The following ADAMTS7 variants were observed in gnomAD, a reference collection of about 807,000 sequenced individuals.
ADAMTS7 encodes the protein ADAM metallopeptidase with thrombospondin type 1 motif 7, also known as A disintegrin and metalloproteinase with thrombospondin motifs 7.
A neutral mutation model predicts 172.6 loss-of-function variants in ADAMTS7; 89 were observed. The observed-to-expected ratio is 0.52, with a 90% CI of 0.43 to 0.61. ADAMTS7 has a LOEUF of 0.61. ADAMTS7 is among the 20% of genes least tolerant of loss of function. The probability of loss-of-function intolerance (pLI) is 0.00; values close to 1 mark genes in which losing one functional copy is unlikely to be tolerated. For synonymous variants in ADAMTS7, 885 were observed against 978.4 expected (o/e 0.90, Z 1.78); for missense variants, 1,973 against 2,355.6 (o/e 0.84, Z 3.36).
chr15:78,776,100 G>A, intron 11 of ADAMTS7, 88 bp downstream of exon 11: 2 of 1,458,212 alleles, frequency 1.4e-6, no homozygotes, highest in Non-Finnish European at 1.8e-6. Flanking sequence ...AGAGCCAGGG[G>A]CTGGGACAGA....
chr15:78,783,173 T>C (rs974326309), intron 8 of ADAMTS7, among the ~76,000 whole-genome samples: 1 of 152,180 alleles, frequency 6.6e-6, no homozygotes, highest in African/African-American at 2.4e-5. Context: ...AAACCAGTCC[T>C]TCAGCAGAGA....
In ADAMTS7 at chr15:78,791,118, G is replaced by A. The variant is rs373511961; in HGVS notation, c.903+22C>T. 1.6e-5 allele frequency: 25 copies of A among 1,608,656 alleles called. No homozygotes were observed. The East Asian group carries it at 1.6e-4, about 10-fold the overall frequency. On this transcript the variant is annotated intron_variant, in intron 5 of 23. Coordinates refer to ENST00000388820, the MANE Select transcript of ADAMTS7 (RefSeq NM_014272.5). ...GCAGCCGAAGCCATTGCCGGGCAGCGTGGGACCACATGACCACTCACCTCC... is the reference window on the plus strand; with the variant it reads ...GCAGCCGAAGCCATTGCCGGGCAGCATGGGACCACATGACCACTCACCTCC...
chr15:78,798,234 G>A (rs531684728), intron 2 of ADAMTS7, 121 bp from the exon 3 acceptor site: 32 of 935,706 alleles, frequency 3.4e-5, no homozygotes, highest in Middle Eastern at 3.4e-4. Context: ...GTGACTGCCC[G>A]CGGACACACT....
At position 78,804,832 on chromosome 15, in the gene ADAMTS7, T is replaced by TA. The variant is rs201420119; in HGVS notation, c.101-4286dup. ...TTCCAGACCTCACAGATGAATTTCT[T>TA]AAAAAAAAATTCCCAGGCCCCATCC... is the stretch of plus-strand genomic sequence containing the variant. On this transcript the variant is annotated intron_variant, in intron 1 of 23. Coordinates refer to ENST00000388820, the MANE Select transcript of ADAMTS7 (RefSeq NM_014272.5). Among the ~76,000 whole-genome samples, 366 of 151,742 alleles carry TA rather than the reference T, an allele frequency of 2.4e-3. 2 individuals are homozygous for TA. Among genetic ancestry groups the TA allele is most frequent in the Middle Eastern group, 0.017 (5 of 292 alleles).
chr15:78,759,714 C>G, intron 23 of ADAMTS7, 136 bp from the exon 24 acceptor site: 3 of 1,170,628 alleles, frequency 2.6e-6, no homozygotes, highest in Non-Finnish European at 3.4e-6. Flanking sequence ...GAGCGGCTCC[C>G]GAACCGGAGT....
At chr15:78,765,502 C>T in intron 19 of ADAMTS7, 143 bp downstream of exon 19, 1 of 1,383,826 alleles carries the variant, frequency 7.2e-7, no homozygotes, top group Non-Finnish European at 9.8e-7. Flanking sequence ...CCGGGGTCCC[C>T]TCATCCCCCT....
chr15:78,796,762 C>A lies in ADAMTS7; in HGVS notation c.647G>T (p.Arg216Leu). ...VQVYPELESRRERWEQRQQWR... is the reference protein window; with the variant it reads ...VQVYPELESRLERWEQRQQWR... ...CTGCTGCCGCTGCTCCCAACGCTCC[C>A]GTCGAGACTCCAGCTCTGGGTACAC... Residue 216 changes from arginine (R) to leucine (L), a missense_variant, in exon 4 of 24, where the codon CGG becomes CTG. Transcript: ENST00000388820. 6.2e-7 allele frequency: 1 copy of A among 1,611,472 alleles called. No homozygotes were observed. Among genetic ancestry groups the A allele is most frequent in the Non-Finnish European group, 8.5e-7 (1 of 1,179,700 alleles).
chr15:78,777,286 C>T lies in ADAMTS7; in HGVS notation c.1467+158G>A, dbSNP rs1287959533. 1.3e-5 allele frequency: 14 copies of T among 1,103,228 alleles called. No individual in the cohort carries two copies. The East Asian group carries it at 3.6e-4, about 29-fold the overall frequency. 68.3% of individuals were successfully genotyped at this position (1,103,228 alleles called of 1,614,324 possible). On this transcript the variant is annotated intron_variant, in intron 9 of 23. Coordinates refer to ENST00000388820, the MANE Select transcript of ADAMTS7 (RefSeq NM_014272.5). ...GTCTGTGGCCGCCCATCCCTGGCCT[C>T]TCCCACAGGCCACTTGACGTCTCAC...
rs1216563865 is a variant in ADAMTS7 at position 78,767,611 on chromosome 15, T to C, written c.2646-19A>G. 5 of 1,524,398 alleles carry C rather than the reference T, an allele frequency of 3.3e-6. No homozygotes were observed. In the South Asian group the frequency reaches 6.2e-5, roughly 19 times the overall value. The allele number at this position is 1,524,398 out of a possible 1,614,324, so 94.4% of individuals were successfully genotyped here. On this transcript the variant is annotated intron_variant, in intron 17 of 23. Transcript: ENST00000388820. The stretch of plus-strand genomic sequence containing the variant: ...CCACCACCTGGCGAGGGCACACAGG[T>C]GGCATCAGTGTGGCATCAGACAGGT...
chr15:78,800,847 A>G (rs1386920404), intron 1 of ADAMTS7, among the ~76,000 whole-genome samples: 1 of 152,106 alleles, frequency 6.6e-6, no homozygotes, highest in Non-Finnish European at 1.5e-5. Context: ...ATCTCGGCTC[A>G]CTGCAACCTC....
At chr15:78,790,089 A>G (rs2277547) in intron 6 of ADAMTS7, among the ~76,000 whole-genome samples, 44,501 of 152,140 alleles carry the variant, frequency 0.29, 6,648 homozygotes, top group South Asian at 0.4. Context: ...ACTATCCAGC[A>G]GGGGTGCTGA....
At chr15:78,779,965 GA>G (rs1387664373) in intron 8 of ADAMTS7, among the ~76,000 whole-genome samples, 2 of 147,704 alleles carry the variant, frequency 1.4e-5, no homozygotes, top group Non-Finnish European at 3.0e-5. Context: ...TCCACTGTGA[GA>G]ATCAGGCCGA....
At chr15:78,774,352 A>G (rs531469164) in intron 12 of ADAMTS7, 52 bp from the exon 13 acceptor site, 1 of 1,502,718 alleles carries the variant, frequency 6.7e-7, no homozygotes, top group Non-Finnish European at 8.9e-7. Flanking sequence ...GGGAGTATGG[A>G]GGCCACCAGG....
At chr15:78,784,673 C>T (rs537808917) in intron 8 of ADAMTS7, among the ~76,000 whole-genome samples, 1 of 151,778 alleles carries the variant, frequency 6.6e-6, no homozygotes, top group South Asian at 2.1e-4. Flanking sequence ...TTTAAAATCA[C>T]CAAAAAGAGA....
At chr15:78,767,686 C>T (rs1037926070) in intron 17 of ADAMTS7, 94 bp from the exon 18 acceptor site, 17 of 1,228,358 alleles carry the variant, frequency 1.4e-5, no homozygotes, top group Admixed American at 4.9e-5. Flanking sequence ...TCCAGGCCCT[C>T]GGCATTTGGG....
chr15:78,768,813 A>T (rs1325252702), intron 16 of ADAMTS7, among the ~76,000 whole-genome samples: 2 of 152,180 alleles, frequency 1.3e-5, no homozygotes, highest in African/African-American at 4.8e-5. Flanking sequence ...CCCAAAGAGG[A>T]GGACCACAAG....
chr15:78,776,585 C>T, intron 10 of ADAMTS7, 164 bp downstream of exon 10: 1 of 868,874 alleles, frequency 1.2e-6, no homozygotes, highest in South Asian at 1.8e-5. Flanking sequence ...CAAGCCCTGG[C>T]CCCAATGCCT....
rs140413672 is a variant in ADAMTS7, at chr15:78,774,684, G to A, written c.1816C>T (p.His606Tyr). The change falls in exon 12 of 24, where the codon CAC becomes TAC. Residue 606 changes from histidine (H) to tyrosine (Y), a missense_variant. His to Tyr is a moderately conservative substitution (Grantham distance 83, BLOSUM62 2). Around this residue, in one of 8 missense-constraint regions of ADAMTS7, gnomAD observed 526 missense variants for 662.9 expected, o/e 0.79. Coordinates refer to ENST00000388820, the MANE Select transcript of ADAMTS7 (RefSeq NM_014272.5). ...CCCTTGTAGAGCATAGCGTCAAAGT[G>A]GCTGCACTGGACGTGGCGGAAGGAG... ...RPSFRHVQCS[H>Y]FDAMLYKGQL... 7 of 1,611,708 alleles carry A rather than the reference G, an allele frequency of 4.3e-6. No homozygotes were observed. The highest frequency in any genetic ancestry group is 5.9e-6 in the Non-Finnish European group (7 of 1,179,824).
At chr15:78,802,308 C>A (rs539853485) in intron 1 of ADAMTS7, among the ~76,000 whole-genome samples, 1 of 152,278 alleles carries the variant, frequency 6.6e-6, no homozygotes, top group African/African-American at 2.4e-5. Context: ...AGTGCCTGAG[C>A]CACTGGTTGA....
Sources: gnomAD v4.1 joint callset for allele counts (sites outside exome capture counted in the v4.1 genomes callset) on GRCh38, gnomAD v4.1.1 for gene constraint, gnomAD v4.1.1 regional missense constraint, MANE v1.5 for transcripts, NCBI Gene and HGNC (gene_info 2026-07-23, HGNC 2026-07-21) for gene names.